SUCLG2: variants seen among roughly 807,000 people sequenced by gnomAD.
SUCLG2 encodes succinate-CoA ligase GDP-forming subunit beta.
Under a neutral mutation model 47.9 loss-of-function variants are expected in SUCLG2, and 42 were observed. The observed-to-expected ratio is 0.88, with a 90% CI of 0.69 to 1.14. SUCLG2 has a LOEUF of 1.14. Among genes scored for constraint, SUCLG2 ranks in the 50% most tolerant of loss-of-function variants. The pLI is 0.00. For missense variants in SUCLG2, 571 were observed against 525.9 expected (o/e 1.09, Z -0.84); for synonymous variants, 195 against 197.3 (o/e 0.99, Z 0.10).
chr3:67,514,023 A>T (rs1343373579), intron 6 of SUCLG2: 2 of 346,288 alleles, frequency 5.8e-6, no homozygotes, highest in African/African-American at 4.3e-5. Context: ...TATCCCTGGA[A>T]ACCCAGCAGG....
intron 7 of SUCLG2, 75 bp from the exon 8 acceptor site, chr3:67,498,370 C>T: frequency 6.7e-7 from 1 of 1,503,232 alleles, no homozygotes; most frequent in Non-Finnish European, 9.1e-7. Context: ...GGCTGGTAGG[C>T]ACAAGCGAAG....
intron 6 of SUCLG2, among the ~76,000 whole-genome samples, chr3:67,511,478 T>C (rs1705787815): frequency 6.6e-6 from 1 of 152,140 alleles, no homozygotes; most frequent in East Asian, 1.9e-4. Flanking sequence ...TCACGAGATC[T>C]GGTGGTTTTA....
At chr3:67,608,537 G>A (rs777167858) in intron 2 of SUCLG2, among the ~76,000 whole-genome samples, 2 of 152,002 alleles carry the variant, frequency 1.3e-5, no homozygotes, top group Admixed American at 6.6e-5. Context: ...ATTATTGAAC[G>A]ATGCTCCACT....
intron 7 of SUCLG2, among the ~76,000 whole-genome samples, chr3:67,499,726 T>TTATG (rs1371926060): frequency 6.6e-6 from 1 of 151,872 alleles, no homozygotes; most frequent in African/African-American, 2.4e-5. Context: ...GTTTGTTTAT[T>TTATG]TATTTATTTA....
chr3:67,635,861 C>A (rs1701001242), intron 1 of SUCLG2, among the ~76,000 whole-genome samples: 1 of 152,216 alleles, frequency 6.6e-6, no homozygotes. Context: ...CCAGTTTCGA[C>A]TCCCCTCCAG....
chr3:67,412,044 G>A (rs1271092655), intron 9 of SUCLG2, among the ~76,000 whole-genome samples: 3 of 152,076 alleles, frequency 2.0e-5, no homozygotes, highest in Non-Finnish European at 2.9e-5. Context: ...AAGTGTCACT[G>A]TCACCAAAAA....
chr3:67,436,590 G>A (rs1395983315), intron 9 of SUCLG2, among the ~76,000 whole-genome samples: 1 of 152,088 alleles, frequency 6.6e-6, no homozygotes, highest in Non-Finnish European at 1.5e-5. Flanking sequence ...TCTGTTGCCT[G>A]GATTACTATA....
At chr3:67,439,345 T>C (rs983017233) in intron 9 of SUCLG2, among the ~76,000 whole-genome samples, 31 of 152,170 alleles carry the variant, frequency 2.0e-4, no homozygotes, top group African/African-American at 5.8e-4. Context: ...GGATGCCCTC[T>C]CTCACCACTC....
chr3:67,538,997 T>C (rs1379786593), intron 2 of SUCLG2, among the ~76,000 whole-genome samples: 2 of 152,228 alleles, frequency 1.3e-5, no homozygotes, highest in Non-Finnish European at 2.9e-5. Context: ...AATCATGTCA[T>C]CTGCAAACAG....
chr3:67,617,828 C>A (rs1700657308), intron 1 of SUCLG2, among the ~76,000 whole-genome samples: 1 of 151,916 alleles, frequency 6.6e-6, no homozygotes. Context: ...GTGCCCATGA[C>A]AAGTACTCAA....
At chr3:67,616,268 G>A (rs1700626865) in intron 1 of SUCLG2, among the ~76,000 whole-genome samples, 1 of 152,144 alleles carries the variant, frequency 6.6e-6, no homozygotes, top group African/African-American at 2.4e-5. Flanking sequence ...CATGATAACA[G>A]CATTGACTAA....
chr3:67,408,951 T>G, intron 9 of SUCLG2: 1 of 1,534,450 alleles, frequency 6.5e-7, no homozygotes, highest in South Asian at 1.2e-5. Context: ...CAGCTCCATA[T>G]TGGTCCTATT....
At chr3:67,649,566 T>C (rs1701250830) in intron 1 of SUCLG2, among the ~76,000 whole-genome samples, 1 of 152,050 alleles carries the variant, frequency 6.6e-6, no homozygotes, top group East Asian at 1.9e-4. Flanking sequence ...CCCTTCTCCA[T>C]ACTAAACTGC....
chr3:67,436,457 A>G (rs370289953), intron 9 of SUCLG2, among the ~76,000 whole-genome samples: 2 of 152,172 alleles, frequency 1.3e-5, no homozygotes, highest in South Asian at 4.1e-4. Context: ...GCCAGAGGGC[A>G]AATCTTCATT....
intron 2 of SUCLG2, among the ~76,000 whole-genome samples, chr3:67,606,286 T>C (rs761980414): frequency 5.3e-5 from 8 of 152,150 alleles, no homozygotes; most frequent in Non-Finnish European, 8.8e-5. Context: ...TAAATGTTCA[T>C]AAAACCATAA....
At chr3:67,450,800 T>C (rs1704038742) in intron 9 of SUCLG2, among the ~76,000 whole-genome samples, 1 of 152,218 alleles carries the variant, frequency 6.6e-6, no homozygotes, top group South Asian at 2.1e-4. Context: ...CCCAGAAGGC[T>C]TGCTACTGTA....
chr3:67,521,537 A>ACCATGTTAGCCAGATGGTCTCAATCTCCT (rs1706103059), intron 4 of SUCLG2, among the ~76,000 whole-genome samples: 4 of 152,172 alleles, frequency 2.6e-5, no homozygotes, highest in African/African-American at 9.7e-5. Context: ...CAAGCATTGC[A>ACCATGTTAGCCAGATGGTCTCAATCTCCT]GTAATGGAAT....
chr3:67,510,617 G>C (rs72923186), intron 6 of SUCLG2, among the ~76,000 whole-genome samples: 4,715 of 152,178 alleles, frequency 0.031, 253 homozygotes, highest in African/African-American at 0.11. Flanking sequence ...CAGAATTTTA[G>C]AGACACTTCA....
downstream of SUCLG2, among the ~76,000 whole-genome samples, chr3:67,371,624 G>A (rs71310781): frequency 9.7e-3 from 1,471 of 152,286 alleles, 33 homozygotes; most frequent in Admixed American, 0.062. Context: ...TGCTTATGGT[G>A]ATCTTTCTGC....
Sources: gnomAD v4.1 joint callset for allele counts (sites outside exome capture counted in the v4.1 genomes callset) on GRCh38, gnomAD v4.1.1 for gene constraint, MANE v1.5 for transcripts, NCBI Gene and HGNC (gene_info 2026-07-23, HGNC 2026-07-21) for gene names.